FN1: variants seen among roughly 807,000 people sequenced by gnomAD.
FN1 encodes fibronectin.
FN1 carries 106 observed loss-of-function variants against 297.3 expected under a neutral mutation model. The ratio of observed to expected loss-of-function variants is 0.36; its 90% CI spans 0.30 to 0.42. The LOEUF is 0.42. FN1 is among the 10% of genes least tolerant of loss of function. The probability of loss-of-function intolerance (pLI) is 1.00; values close to 1 mark genes in which losing one functional copy is unlikely to be tolerated. For missense variants in FN1, 2,690 were observed against 3,124.9 expected (o/e 0.86, Z 3.32); for synonymous variants, 1,149 against 1,152.6 (o/e 1.00, Z 0.06).
intron 10 of FN1, among the ~76,000 whole-genome samples, chr2:215,421,673 G>A (rs934167299): frequency 2.6e-5 from 4 of 152,184 alleles, no homozygotes; most frequent in Admixed American, 1.3e-4. Flanking sequence ...AGGAAAGTTA[G>A]TCCCCTATGT....
intron 3 of FN1, 147 bp from the exon 4 acceptor site, chr2:215,432,111 A>C: frequency 1.1e-6 from 1 of 874,484 alleles, no homozygotes; most frequent in Non-Finnish European, 1.9e-6. Context: ...AAACGTTAAC[A>C]GGTCTGGTCA....
rs762511166 is a variant in FN1 at position 215,371,978 on chromosome 2, G to A, written c.6645C>T (p.Ala2215=). Residue 2215 remains alanine (A), a synonymous_variant, in exon 40 of 46, where the codon GCC becomes GCT. Coordinates refer to ENST00000354785, the MANE Select transcript of FN1 (RefSeq NM_212482.4). ...EALSQTTISW[A]PFQDTSEYII... is the part of the protein sequence containing the mutation. ...TGTACTCAGAAGTGTCCTGGAATGG[G>A]GCCCATGAGATGGTTGTCTGAGAGA... 32 of 1,614,074 alleles carry A rather than the reference G, an allele frequency of 2.0e-5. No homozygotes were observed. Among genetic ancestry groups the A allele is most frequent in the South Asian group, 2.2e-5 (2 of 91,082 alleles).
rs747906716 is a variant in FN1 at position 215,406,420 on chromosome 2, G to A, written c.2804C>T (p.Thr935Ile). The A allele has an allele frequency of 3.7e-6, 6 of 1,614,044 alleles. No homozygotes were observed. Among genetic ancestry groups the A allele is most frequent in the East Asian group, 2.2e-5 (1 of 44,898 alleles). The change falls in exon 19 of 46, where the codon ACC becomes ATC. Residue 935 changes from threonine (T) to isoleucine (I), a missense_variant. Transcript: ENST00000354785. ...GGGGATCACATCCACACGGTAGCCG[G>A]TCACTGCACTCTCAGGCGGTGTCCA... is the stretch of plus-strand genomic sequence containing the variant. ...IMWTPPESAV[T>I]GYRVDVIPVN... is the part of the protein sequence containing the mutation.
At chr2:215,382,351 C>T (rs777789332) in intron 31 of FN1, 26 bp from the exon 32 acceptor site, 4 of 1,441,856 alleles carry the variant, frequency 2.8e-6, no homozygotes, top group Admixed American at 1.7e-5. Flanking sequence ...AAAGCAAATG[C>T]AACATCCACG....
chr2:215,365,481 TA>T (rs1280950067), intron 43 of FN1, 23 bp downstream of exon 43: 2 of 1,612,850 alleles, frequency 1.2e-6, no homozygotes, highest in Non-Finnish European at 1.7e-6. Flanking sequence ...AATAAGGCAC[TA>T]AAAATGATCT....
Position 215,420,722 on chromosome 2 carries a change from G to C in FN1, c.1626C>G (p.Asn542Lys), listed in dbSNP as rs138144264. ...HKRHEEGHMLNCTCFGQGRGR... is the reference protein window; with the variant it reads ...HKRHEEGHMLKCTCFGQGRGR... ...CCCGACCCTGACCGAAGCATGTACA[G>C]TTCAGCATGTGCCCCTCTTCATGAC... is the stretch of plus-strand genomic sequence containing the variant. Residue 542 changes from asparagine (N) to lysine (K), a missense_variant, in exon 11 of 46, where the codon AAC becomes AAG. Coordinates refer to ENST00000354785, the MANE Select transcript of FN1 (RefSeq NM_212482.4). 6.2e-7 allele frequency: 1 copy of C among 1,614,020 alleles called. No homozygotes were observed. Among genetic ancestry groups the C allele is most frequent in the Non-Finnish European group, 8.5e-7 (1 of 1,180,016 alleles).
intron 40 of FN1, among the ~76,000 whole-genome samples, chr2:215,371,085 T>TG (rs1326309997): frequency 2.0e-5 from 3 of 151,418 alleles, no homozygotes; most frequent in African/African-American, 7.3e-5. Context: ...CTGGCCAACA[T>TG]CGTGAAACCC....
At chr2:215,386,322 C>T (rs2058979228) in intron 28 of FN1, among the ~76,000 whole-genome samples, 1 of 151,948 alleles carries the variant, frequency 6.6e-6, no homozygotes, top group Admixed American at 6.6e-5. Context: ...AGTGATCTGC[C>T]CATTTCGGCC....
intron 25 of FN1, 42 bp downstream of exon 25, chr2:215,392,889 A>C (rs2059864857): frequency 6.2e-7 from 1 of 1,608,994 alleles, no homozygotes; most frequent in Admixed American, 1.7e-5. Flanking sequence ...GGCAGCATGC[A>C]ACACCATCTA....
At chr2:215,395,035 T>C (rs1249956212) in intron 23 of FN1, among the ~76,000 whole-genome samples, 1 of 152,142 alleles carries the variant, frequency 6.6e-6, no homozygotes, top group African/African-American at 2.4e-5. Context: ...GGGGAGTGAT[T>C]CCCCAAAGCT....
chr2:215,375,259 C>T lies in FN1; in HGVS notation c.6112G>A (p.Val2038Met). 2.5e-6 allele frequency: 4 copies of T among 1,614,182 alleles called. No individual in the cohort carries two copies. Among genetic ancestry groups the T allele is most frequent in the Middle Eastern group, 1.6e-4 (1 of 6,062 alleles). The change falls in exon 38 of 46, where the codon GTG (valine) becomes ATG (methionine). Residue 2038 changes from valine (V) to methionine (M), a missense_variant. Around this residue, in one of 3 missense-constraint regions of FN1, gnomAD observed 1,743 missense variants for 1,945.2 expected, o/e 0.90. Transcript: ENST00000354785. ...ACACCAGGGCGGGGCCGAGGGACCA[C>T]TTCTCTGGGAGGAGACCCAGGCTTC... The part of the protein sequence containing the change: ...YEKPGSPPRE[V>M]VPRPRPGVTE...
chr2:215,384,707 T>A lies in FN1; in HGVS notation c.4729+153A>T, dbSNP rs145750588. 981 of 644,470 alleles carry A rather than the reference T, an allele frequency of 1.5e-3. 8 individuals carry two copies. The highest frequency in any genetic ancestry group is 0.012 in the East Asian group (423 of 36,232). 39.9% of individuals were successfully genotyped at this position (644,470 alleles called of 1,614,324 possible). On this transcript the variant is annotated intron_variant, in intron 29 of 45. Coordinates refer to ENST00000354785, the MANE Select transcript of FN1 (RefSeq NM_212482.4). ...TTGGGTTTTAGAACAAATTATATCA[T>A]CTATATCTTACGTATTTTCTTGGAA...
Position 215,393,579 on chromosome 2 carries a change from C to A in FN1, c.3797-376G>T, listed in dbSNP as rs573967855. 57 of 152,368 alleles carry A rather than the reference C, an allele frequency of 3.7e-4. 1 individual carries two copies. The highest frequency in any genetic ancestry group is 1.3e-3 in the African/African-American group (55 of 41,524). The allele number at this position is 152,368 out of a possible 1,614,324, so 9.4% of individuals were successfully genotyped here. A position where few individuals can be genotyped will look rare whatever the true frequency, so the allele number is the denominator to read the frequency against. ...ATATCTGAAGTAAGTATCAGCAATG[C>A]TTTTAATAATTCCAAAACTGTTTTA... On this transcript the variant is annotated intron_variant, in intron 24 of 45. Coordinates refer to ENST00000354785, the MANE Select transcript of FN1 (RefSeq NM_212482.4).
intron 13 of FN1, among the ~76,000 whole-genome samples, chr2:215,412,799 G>A (rs1358018023): frequency 9.9e-6 from 1 of 101,258 alleles, no homozygotes; most frequent in African/African-American, 4.3e-5. Context: ...TCAGCTTTTG[G>A]TACCATCTCT....
chr2:215,391,672 C>T lies in FN1; in HGVS notation c.4212G>A (p.Glu1404=). 1 of 1,614,156 alleles carries T rather than the reference C, an allele frequency of 6.2e-7. No homozygotes were observed. Among genetic ancestry groups the T allele is most frequent in the South Asian group, 1.1e-5 (1 of 91,082 alleles). ...SPVKNEEDVA[E]LSISPSDNAV... is the part of the protein sequence containing the mutation. Reference sequence around the variant, plus strand: ...CATTGTCTGAAGGAGAAATTGACAACTCTGCAACATCTTCCTCATTTTTCA... The same window carrying T: ...CATTGTCTGAAGGAGAAATTGACAATTCTGCAACATCTTCCTCATTTTTCA... Residue 1404 remains glutamate, a synonymous_variant, in exon 26 of 46, where the codon GAG becomes GAA. Transcript: ENST00000354785.
chr2:215,422,255 T>C lies in FN1; in HGVS notation c.1394-12A>G, dbSNP rs763882616. The C allele has an allele frequency of 6.2e-7, 1 of 1,613,528 alleles. No individual in the cohort carries two copies. The highest frequency in any genetic ancestry group is 8.5e-7 in the Non-Finnish European group (1 of 1,179,516). Reference sequence around the variant, plus strand: ...GATTTCCTCGTGGGCTGTTTGGAAATGGATAAGAAATGCACTTGATAAATG... The same window carrying C: ...GATTTCCTCGTGGGCTGTTTGGAAACGGATAAGAAATGCACTTGATAAATG... On this transcript the variant is annotated splice_polypyrimidine_tract_variant and intron_variant, in intron 9 of 45. Transcript: ENST00000354785.
At chr2:215,372,625 C>T (rs907823727) in intron 39 of FN1, 4 of 539,922 alleles carry the variant, frequency 7.4e-6, no homozygotes, top group Non-Finnish European at 1.3e-5. Context: ...CAGCTTTAAA[C>T]CGCTGAGCCC....
At chr2:215,404,235 A>C (rs370673912) in intron 20 of FN1, among the ~76,000 whole-genome samples, 154 bp downstream of exon 20, 1 of 152,260 alleles carries the variant, frequency 6.6e-6, no homozygotes, top group East Asian at 1.9e-4. Flanking sequence ...TTAACGGGCC[A>C]GCAGCCAGTC....
At chr2:215,427,934 T>A (rs2065785800) in intron 6 of FN1, among the ~76,000 whole-genome samples, 1 of 152,184 alleles carries the variant, frequency 6.6e-6, no homozygotes, top group South Asian at 2.1e-4. Context: ...AGTTTTATCT[T>A]TTGGAGATAA....
Sources: allele counts gnomAD v4.1 joint callset (sites outside exome capture counted in the v4.1 genomes callset), GRCh38; gene constraint gnomAD v4.1.1; regional missense constraint gnomAD v4.1.1; transcripts MANE v1.5; gene names NCBI Gene and HGNC (gene_info 2026-07-23, HGNC 2026-07-21).